Variants in TXNDC12 observed in about 807,000 individuals in gnomAD.
The protein encoded by TXNDC12 is thioredoxin domain-containing protein 12.
A neutral mutation model predicts 24.2 loss-of-function variants in TXNDC12; 22 were observed. That is an observed-to-expected ratio of 0.91 (90% CI 0.65 to 1.30). The LOEUF is 1.30. Ranked by LOEUF, TXNDC12 falls within the 50% of genes most tolerant of loss-of-function variation. TXNDC12 has a pLI of 0.00. For synonymous variants in TXNDC12, 58 were observed against 73.4 expected (o/e 0.79, Z 1.07); for missense variants, 184 against 205.8 (o/e 0.89, Z 0.65).
At position 52,025,510 on chromosome 1, in the gene TXNDC12, G is replaced by A. The variant is rs140420900; in HGVS notation, c.286-931C>T. 7.1e-3 allele frequency among the ~76,000 whole-genome samples: 1,082 copies of A among 152,262 alleles called. 14 individuals are homozygous for A. Among genetic ancestry groups the A allele is most frequent in the African/African-American group, 0.025 (1,042 of 41,540 alleles). On this transcript the variant is annotated intron_variant, in intron 4 of 6. Coordinates refer to ENST00000371626, the MANE Select transcript of TXNDC12 (RefSeq NM_015913.4). ...TGGGATCACAGGCATAAGCCACCAC[G>A]CCCGGCCTAATCAGTTTTCTTTTTA...
rs900864453 is a variant in TXNDC12, at chr1:52,037,570, G to A, written c.158+3967C>T. On this transcript the variant is annotated intron_variant, in intron 2 of 6. Coordinates refer to ENST00000371626, the MANE Select transcript of TXNDC12 (RefSeq NM_015913.4). ...ACTCATGGGGCTCTGGGTGGCCAGA[G>A]TATTGTCCAACATCAAAAGAACTTT... Among the ~76,000 whole-genome samples, 6 of 152,264 alleles carry A rather than the reference G, an allele frequency of 3.9e-5. No homozygotes were observed. The South Asian group carries it at 1.0e-3, about 26-fold the overall frequency.
rs751382443 is a variant in TXNDC12 at position 52,020,990 on chromosome 1, A to C, written c.462T>G (p.Ala154=). Reference sequence around the variant, plus strand: ...AGGCATCACCCGTCAGCCTTTCCTGAGCTTCCTTCATCCCCTGAACAACTG... The same window carrying C: ...AGGCATCACCCGTCAGCCTTTCCTGCGCTTCCTTCATCCCCTGAACAACTG... ...AEQVVQGMKE[A]QERLTGDAFR... The change falls in exon 7 of 7, where the codon GCT becomes GCG. Residue 154 remains alanine (A), a synonymous_variant. Transcript: ENST00000371626. 1 of 1,614,046 alleles carries C rather than the reference A, an allele frequency of 6.2e-7. No individual in the cohort carries two copies. Among genetic ancestry groups the C allele is most frequent in the African/African-American group, 1.3e-5 (1 of 75,054 alleles).
At chr1:52,049,957 C>T (rs79251774) in intron 1 of TXNDC12, among the ~76,000 whole-genome samples, 9,171 of 152,250 alleles carry the variant, frequency 0.06, 299 homozygotes, top group African/African-American at 0.084. Flanking sequence ...TTAATCTTCA[C>T]AACAACTTTA....
chr1:52,020,849 G>T lies in TXNDC12; in HGVS notation c.*84C>A. Reference sequence around the variant, plus strand: ...ATGAGGTTTCCTGGTCGGCTTAATTGTTCTAGATGATTCCTCAATATTCCC... The same window carrying T: ...ATGAGGTTTCCTGGTCGGCTTAATTTTTCTAGATGATTCCTCAATATTCCC... On this transcript the variant is annotated 3_prime_UTR_variant, in exon 7 of 7. Coordinates refer to ENST00000371626, the MANE Select transcript of TXNDC12 (RefSeq NM_015913.4). 1.7e-6 allele frequency: 2 copies of T among 1,209,244 alleles called. No individual in the cohort carries two copies. Among genetic ancestry groups the T allele is most frequent in the Non-Finnish European group, 2.4e-6 (2 of 823,674 alleles). The allele number at this position is 1,209,244 out of a possible 1,614,324, so 74.9% of individuals were successfully genotyped here.
chr1:52,024,287 C>T (rs774881696), intron 5 of TXNDC12, among the ~76,000 whole-genome samples: 7 of 152,296 alleles, frequency 4.6e-5, no homozygotes, highest in South Asian at 4.1e-4. Context: ...CCACTGTGCC[C>T]GGCCAAACTT....
At chr1:52,027,896 G>A (rs759743399) in intron 3 of TXNDC12, among the ~76,000 whole-genome samples, 18 of 151,784 alleles carry the variant, frequency 1.2e-4, no homozygotes, top group Admixed American at 3.3e-4. Context: ...ACAATGGTAC[G>A]ATCTCAGCTC....
chr1:52,023,452 A>G (rs981961025), intron 6 of TXNDC12, 39 bp downstream of exon 6: 5 of 1,530,562 alleles, frequency 3.3e-6, no homozygotes, highest in African/African-American at 2.7e-5. Context: ...TCCTAGTTCA[A>G]TCTAGCAATA....
At chr1:52,035,917 G>C (rs1685875275) in intron 2 of TXNDC12, among the ~76,000 whole-genome samples, 1 of 152,178 alleles carries the variant, frequency 6.6e-6, no homozygotes, top group Non-Finnish European at 1.5e-5. Context: ...TCTGCCACTT[G>C]CTAGCTGTGT....
At chr1:52,045,651 T>C (rs1211340995) in intron 1 of TXNDC12, among the ~76,000 whole-genome samples, 1 of 152,324 alleles carries the variant, frequency 6.6e-6, no homozygotes, top group East Asian at 1.9e-4. Flanking sequence ...ATACATATGT[T>C]ATTATACATT....
chr1:52,046,866 A>AAAAAATATATATATATATATATATATAT (rs1229275355), intron 1 of TXNDC12, among the ~76,000 whole-genome samples: 1 of 30,172 alleles, frequency 3.3e-5, no homozygotes, highest in African/African-American at 5.4e-5. Context: ...AAAAAAAAAA[A>AAAAAATATATATATATATATATATATAT]ATATATATAT....
At chr1:52,033,824 A>G (rs190609838) in intron 2 of TXNDC12, 3 of 1,479,444 alleles carry the variant, frequency 2.0e-6, no homozygotes, top group Non-Finnish European at 9.0e-7. Flanking sequence ...CGCGTCTCCG[A>G]CGTAAGCCGG....
Position 52,024,518 on chromosome 1 carries a change from A to G in TXNDC12, c.347T>C (p.Leu116Pro). The G allele has an allele frequency of 6.2e-7, 1 of 1,611,828 alleles. No homozygotes were observed. The highest frequency in any genetic ancestry group is 8.5e-7 in the Non-Finnish European group (1 of 1,178,298). ...SPDGGYIPRILFLDPSGKVHP... is the reference protein window; with the variant it reads ...SPDGGYIPRIPFLDPSGKVHP... ...AAGATCATGTGCCTTACCCAGAAAA[A>G]GGATTCGTGGAATATAACCCCCGTC... The change falls in exon 5 of 7, where the codon CTT (leucine) becomes CCT (proline). Residue 116 changes from leucine (L) to proline (P), a missense_variant. By Grantham distance (98) the Leu-to-Pro change is moderately conservative. Transcript: ENST00000371626.
chr1:52,031,136 G>A lies in TXNDC12; in HGVS notation c.159-2506C>T, dbSNP rs552457056. 1.6e-3 allele frequency among the ~76,000 whole-genome samples: 241 copies of A among 150,468 alleles called. 1 individual carries two copies. The highest frequency in any genetic ancestry group is 7.1e-3 in the Middle Eastern group (2 of 280). On this transcript the variant is annotated intron_variant, in intron 2 of 6. Transcript: ENST00000371626. ...ATTTTGTCTTTTGTCATCATCCTCTGACCACCAGCCCATTTCATCCTATCT... is the reference window on the plus strand; with the variant it reads ...ATTTTGTCTTTTGTCATCATCCTCTAACCACCAGCCCATTTCATCCTATCT...
At chr1:52,051,501 G>T (rs1001059794) in intron 1 of TXNDC12, among the ~76,000 whole-genome samples, 2 of 152,038 alleles carry the variant, frequency 1.3e-5, no homozygotes, top group African/African-American at 4.8e-5. Context: ...TCAGCCTCCC[G>T]AGTAGCTAGG....
chr1:52,052,130 T>C (rs1686218100), intron 1 of TXNDC12, among the ~76,000 whole-genome samples: 1 of 152,200 alleles, frequency 6.6e-6, no homozygotes, highest in Non-Finnish European at 1.5e-5. Flanking sequence ...ACCTGGTATT[T>C]CTCTGCTTAA....
At chr1:52,044,732 G>A (rs912671975) in intron 1 of TXNDC12, among the ~76,000 whole-genome samples, 4 of 152,176 alleles carry the variant, frequency 2.6e-5, no homozygotes, top group African/African-American at 9.7e-5. Context: ...CTAGCACTTT[G>A]GGAGGCCGAC....
At chr1:52,053,327 C>A (rs893006814) in intron 1 of TXNDC12, among the ~76,000 whole-genome samples, 1 of 151,884 alleles carries the variant, frequency 6.6e-6, no homozygotes, top group Non-Finnish European at 1.5e-5. Flanking sequence ...CCCACGTACC[C>A]AACACTCTAC....
intron 4 of TXNDC12, among the ~76,000 whole-genome samples, chr1:52,025,995 A>AT (rs1438245871): frequency 2.0e-5 from 3 of 151,404 alleles, no homozygotes; most frequent in Non-Finnish European, 4.4e-5. Context: ...CACCCAGCTA[A>AT]TTTTTTTGTA....
intron 2 of TXNDC12, chr1:52,032,480 G>C: frequency 7.6e-7 from 1 of 1,321,188 alleles, no homozygotes; most frequent in Non-Finnish European, 9.6e-7. Flanking sequence ...GATTTGCCAG[G>C]TTGCACCACA....
Sources: allele counts gnomAD v4.1 joint callset (sites outside exome capture counted in the v4.1 genomes callset), GRCh38; gene constraint gnomAD v4.1.1; transcripts MANE v1.5; gene names NCBI Gene and HGNC (gene_info 2026-07-23, HGNC 2026-07-21).